The following PLCG2 variants were observed in gnomAD, a reference collection of about 807,000 sequenced individuals.
PLCG2 encodes the protein phospholipase C gamma 2, also known as 1-phosphatidylinositol 4,5-bisphosphate phosphodiesterase gamma-2.
Under a neutral mutation model 175.6 loss-of-function variants are expected in PLCG2, and 69 were observed. The observed-to-expected ratio is 0.39, with a 90% CI of 0.32 to 0.48. The LOEUF (loss-of-function observed/expected upper bound fraction) is 0.48. Ranked by LOEUF, PLCG2 falls within the 20% of genes least tolerant of loss-of-function variation. The probability of loss-of-function intolerance (pLI) is 0.91; values close to 1 mark genes in which losing one functional copy is unlikely to be tolerated. For synonymous variants in PLCG2, 827 were observed against 624.0 expected, an observed-to-expected ratio of 1.33 and a Z score of -4.85; for missense variants, 1,798 against 1,650.9, an observed-to-expected ratio of 1.09 and a Z score of -1.54.
chr16:81,898,426 A>G (rs1908992620), intron 13 of PLCG2: 1 of 152,386 alleles, frequency 6.6e-6, no homozygotes, highest in South Asian at 2.1e-4. Context: ...GTTATGTTCT[A>G]GTAAGGGTGT....
chr16:81,909,778 G>A (rs1909536523), intron 17 of PLCG2, among the ~76,000 whole-genome samples: 1 of 152,182 alleles, frequency 6.6e-6, no homozygotes. Flanking sequence ...ACCATGTGCT[G>A]GGCAGTATTC....
intron 7 of PLCG2, 100 bp downstream of exon 7, chr16:81,871,035 TC>T: frequency 1.7e-6 from 1 of 599,348 alleles, no homozygotes; most frequent in Non-Finnish European, 2.9e-6. Flanking sequence ...GTGTTGAATC[TC>T]CATTTTAGTC....
intron 2 of PLCG2, among the ~76,000 whole-genome samples, chr16:81,843,331 C>G (rs1396871060): frequency 6.6e-6 from 1 of 152,164 alleles, no homozygotes. Flanking sequence ...TTTCTCACAC[C>G]TTTACACTCA....
At chr16:81,917,211 C>T (rs1249715135) in intron 19 of PLCG2, among the ~76,000 whole-genome samples, 1 of 140,766 alleles carries the variant, frequency 7.1e-6, no homozygotes. Context: ...CATGCTGTTG[C>T]AAATGACAGG....
At chr16:81,857,021 C>T (rs1330362729) in intron 3 of PLCG2, among the ~76,000 whole-genome samples, 2 of 152,210 alleles carry the variant, frequency 1.3e-5, no homozygotes, top group Non-Finnish European at 2.9e-5. Flanking sequence ...TCAGAGATCT[C>T]ATGCAACCAG....
At position 81,891,448 on chromosome 16, in the gene PLCG2, G is replaced by A. The variant is rs200484243; in HGVS notation, c.868-24G>A. 1.3e-4 allele frequency: 168 copies of A among 1,244,920 alleles called. 1 individual carries two copies. The Middle Eastern group carries it at 3.1e-3, about 23-fold the overall frequency. The allele number at this position is 1,244,920 out of a possible 1,614,324, so 77.1% of individuals were successfully genotyped here. A position where few individuals can be genotyped will look rare whatever the true frequency, so the allele number is the denominator to read the frequency against. On this transcript the variant is annotated intron_variant, in intron 10 of 32. Coordinates refer to ENST00000564138, the MANE Select transcript of PLCG2 (RefSeq NM_002661.5). The stretch of plus-strand genomic sequence containing the variant: ...ATCCTGCCCGTCAACGTGATGATTC[G>A]GTCTTCGTGTTTGACTCTTTTAGTT...
chr16:81,795,046 T>G (rs1056954450), intron 2 of PLCG2, among the ~76,000 whole-genome samples: 1 of 152,248 alleles, frequency 6.6e-6, no homozygotes, highest in African/African-American at 2.4e-5. Context: ...TTCTTAGAAT[T>G]TGTTCCTTTG....
chr16:81,757,779 C>G (rs1348747844), intron 2 of PLCG2, among the ~76,000 whole-genome samples: 1 of 152,022 alleles, frequency 6.6e-6, no homozygotes, highest in Non-Finnish European at 1.5e-5. Flanking sequence ...TCATCACCCC[C>G]AAACAGAAAC....
chr16:81,830,641 G>A (rs987046335), intron 2 of PLCG2, among the ~76,000 whole-genome samples: 1 of 128,982 alleles, frequency 7.8e-6, no homozygotes, highest in Non-Finnish European at 1.6e-5. Context: ...ACAAAAAAAT[G>A]TGTGGGGTGT....
At chr16:81,827,662 C>T (rs72832046) in intron 2 of PLCG2, among the ~76,000 whole-genome samples, 3,837 of 152,082 alleles carry the variant, frequency 0.025, 52 homozygotes, top group Middle Eastern at 0.034. Flanking sequence ...TGGTGGGAAC[C>T]GTGGTTAACG....
At chr16:81,858,392 T>C in intron 4 of PLCG2, 36 bp downstream of exon 4, 1 of 1,425,684 alleles carries the variant, frequency 7.0e-7, no homozygotes, top group Non-Finnish European at 9.9e-7. Context: ...GCGTAGTTGC[T>C]GATTCCTTTA....
Position 81,910,512 on chromosome 16 carries a change from C to T in PLCG2, c.1734-8C>T. ...TCTCCCAGCACTGATGGCGTCCTCTCCCCGCAGGCGGTCAGGCCGGGTCCA... is the reference window on the plus strand; with the variant it reads ...TCTCCCAGCACTGATGGCGTCCTCTTCCCGCAGGCGGTCAGGCCGGGTCCA... On this transcript the variant is annotated splice_polypyrimidine_tract_variant and splice_region_variant and intron_variant, in intron 17 of 32. Coordinates refer to ENST00000564138, the MANE Select transcript of PLCG2 (RefSeq NM_002661.5). 1 of 1,613,390 alleles carries T rather than the reference C, an allele frequency of 6.2e-7. No homozygotes were observed. Among genetic ancestry groups the T allele is most frequent in the East Asian group, 2.2e-5 (1 of 44,880 alleles).
chr16:81,805,083 A>G (rs1015582279), intron 2 of PLCG2, among the ~76,000 whole-genome samples: 4 of 152,196 alleles, frequency 2.6e-5, no homozygotes, highest in Admixed American at 1.3e-4. Context: ...CTTTTCCCCA[A>G]TCACCATGTG....
intron 5 of PLCG2, among the ~76,000 whole-genome samples, chr16:81,860,752 C>T (rs190093235): frequency 3.9e-5 from 6 of 152,244 alleles, no homozygotes; most frequent in Admixed American, 3.9e-4. Context: ...AGGCAGATTG[C>T]CTGAGCTCAG....
chr16:81,944,731 C>T (rs1403940762), intron 30 of PLCG2, among the ~76,000 whole-genome samples: 2 of 152,140 alleles, frequency 1.3e-5, no homozygotes. Flanking sequence ...CTGCCTTGCC[C>T]TCCCCAAGTG....
intron 2 of PLCG2, among the ~76,000 whole-genome samples, chr16:81,828,440 A>G (rs1297518599): frequency 6.6e-6 from 1 of 151,676 alleles, no homozygotes; most frequent in South Asian, 2.1e-4. Context: ...GGGTTTCACC[A>G]TGTTAGCCAG....
intron 29 of PLCG2, 131 bp downstream of exon 29, chr16:81,939,046 C>T (rs191887711): frequency 4.7e-6 from 3 of 635,086 alleles, no homozygotes; most frequent in East Asian, 2.7e-5. Context: ...CTCTTGCCCA[C>T]ATGGTTCAGC....
At chr16:81,914,551 G>C (rs146648268) in intron 19 of PLCG2, among the ~76,000 whole-genome samples, 2 of 152,172 alleles carry the variant, frequency 1.3e-5, no homozygotes, top group South Asian at 4.1e-4. Context: ...CATGAGATTG[G>C]AGGTGTCTTG....
chr16:81,746,902 G>C lies in PLCG2; in HGVS notation c.-145+7517G>C, dbSNP rs111986451. ...GCTCCAGGAGAGCACGGGGGACTTT[G>C]TCATATTTTGGGAGTTGTAATTTCA... On this transcript the variant is annotated intron_variant, in intron 1 of 5. Coordinates refer to the PLCG2 transcript ENST00000565054. Among the ~76,000 whole-genome samples the C allele has an allele frequency of 3.9e-3, 589 of 152,236 alleles. 4 individuals carry two copies. Among genetic ancestry groups the C allele is most frequent in the African/African-American group, 0.014 (561 of 41,526 alleles).
Sources: gnomAD v4.1 joint callset for allele counts (sites outside exome capture counted in the v4.1 genomes callset) on GRCh38, gnomAD v4.1.1 for gene constraint, MANE v1.5 for transcripts, NCBI Gene and HGNC (gene_info 2026-07-23, HGNC 2026-07-21) for gene names.